LRIG2: variants seen among roughly 807,000 people sequenced by gnomAD.
LRIG2 encodes the protein leucine-rich repeats and immunoglobulin-like domains protein 2.
LRIG2 carries 93 observed loss-of-function variants against 107.8 expected under a neutral mutation model. The observed-to-expected ratio is 0.86, with a 90% CI of 0.73 to 1.03. The LOEUF (loss-of-function observed/expected upper bound fraction) is 1.03, where lower values mean the gene tolerates loss of function less well. LRIG2 is among the 50% of genes least tolerant of loss of function. The probability of loss-of-function intolerance (pLI) is 0.00; values close to 1 mark genes in which losing one functional copy is unlikely to be tolerated. For missense variants in LRIG2, 1,226 were observed against 1,296.0 expected (o/e 0.95, Z 0.83); for synonymous variants, 471 against 470.6 (o/e 1.00, Z -0.01).
At chr1:113,099,741 A>G (rs2101042595) in intron 9 of LRIG2, among the ~76,000 whole-genome samples, 1 of 152,256 alleles carries the variant, frequency 6.6e-6, no homozygotes, top group Non-Finnish European at 1.5e-5. Context: ...TTTGTGAGTA[A>G]TTTATCTAGC....
At position 113,130,924 on chromosome 1, in the gene LRIG2, T is replaced by C. The variant is rs1361449543; in HGVS notation, c.*6823T>C. 1 of 149,788 alleles carries C rather than the reference T, an allele frequency of 6.7e-6. No individual in the cohort carries two copies. The highest frequency in any genetic ancestry group is 6.8e-5 in the Admixed American group (1 of 14,806). The allele number at this position is 149,788 out of a possible 1,614,324, so 9.3% of individuals were successfully genotyped here. On this transcript the variant is annotated 3_prime_UTR_variant, in exon 18 of 18. Transcript: ENST00000361127. ...AAGCCTATAATGTATTAAAACTCTT[T>C]TTTACTCGATTACTTTTATTTTTTT...
In LRIG2 at chr1:113,116,333, A is replaced by G; in HGVS notation, c.2577A>G (p.Gln859=). The change falls in exon 16 of 18, where the codon CAA becomes CAG. Residue 859 remains glutamine (Q), a synonymous_variant. Transcript: ENST00000361127. ...PADIPSYLSS[Q]GTLSEPQEGY... The stretch of plus-strand genomic sequence containing the variant: ...ACATTCCCAGCTACTTGTCTTCCCA[A>G]GGAACGCTGTCTGAGCCACAGGAAG... 6.2e-7 allele frequency: 1 copy of G among 1,614,074 alleles called. No individual in the cohort carries two copies. Among genetic ancestry groups the G allele is most frequent in the South Asian group, 1.1e-5 (1 of 91,042 alleles).
chr1:113,124,169 C>T lies in LRIG2; in HGVS notation c.*68C>T. The T allele has an allele frequency of 1.5e-6, 2 of 1,349,208 alleles. No homozygotes were observed. Among genetic ancestry groups the T allele is most frequent in the Non-Finnish European group, 2.1e-6 (2 of 951,926 alleles). 83.6% of individuals were successfully genotyped at this position (1,349,208 alleles called of 1,614,324 possible). A position where few individuals can be genotyped will look rare whatever the true frequency, so the allele number is the denominator to read the frequency against. ...ATTTTGCATTTACTACCTCAGAGCT[C>T]AGAAGAAACTCCGAAGTCAGCATTT... is the stretch of plus-strand genomic sequence containing the variant. On this transcript the variant is annotated 3_prime_UTR_variant, in exon 18 of 18. Transcript: ENST00000361127.
At chr1:113,095,021 C>G (rs1398711999) in intron 6 of LRIG2, among the ~76,000 whole-genome samples, 1 of 150,894 alleles carries the variant, frequency 6.6e-6, no homozygotes, top group Non-Finnish European at 1.5e-5. Context: ...GTTGCCCAGG[C>G]TGGAGTGCAA....
intron 12 of LRIG2, among the ~76,000 whole-genome samples, chr1:113,108,922 G>C (rs1014384008): frequency 6.6e-6 from 1 of 152,006 alleles, no homozygotes; most frequent in Non-Finnish European, 1.5e-5. Flanking sequence ...CTGATTCTTA[G>C]CTTTACATAG....
At chr1:113,116,759 C>A (rs1387026991) in intron 16 of LRIG2, among the ~76,000 whole-genome samples, 2 of 152,184 alleles carry the variant, frequency 1.3e-5, no homozygotes, top group Non-Finnish European at 2.9e-5. Flanking sequence ...GGGCATCCTT[C>A]AGACCACATC....
At position 113,131,408 on chromosome 1, in the gene LRIG2, A is replaced by T. The variant is rs1284236139; in HGVS notation, c.*7307A>T. The stretch of plus-strand genomic sequence containing the variant: ...AAGTGTAAAGGAATAACAGAGGTAA[A>T]TTTGCTGTCATTTTATGCCACATCC... On this transcript the variant is annotated 3_prime_UTR_variant, in exon 18 of 18. Transcript: ENST00000361127. 1 of 152,188 alleles carries T rather than the reference A, an allele frequency of 6.6e-6. No homozygotes were observed. The highest frequency in any genetic ancestry group is 2.1e-4 in the South Asian group (1 of 4,834). The allele number at this position is 152,188 out of a possible 1,614,324, so 9.4% of individuals were successfully genotyped here.
intron 14 of LRIG2, among the ~76,000 whole-genome samples, chr1:113,113,323 C>G (rs1654851996): frequency 6.6e-6 from 1 of 150,674 alleles, no homozygotes; most frequent in Non-Finnish European, 1.5e-5. Flanking sequence ...AAATTTTCCC[C>G]TGCTGGCCTG....
Position 113,114,692 on chromosome 1 carries a change from T to C in LRIG2, c.2346T>C (p.Asn782=). Residue 782 remains asparagine, a synonymous_variant, in exon 15 of 18, where the codon AAT becomes AAC. Transcript: ENST00000361127. ...LGTERGHIYL[N]VISSPNCDSS... ...CAGAACGTGGCCACATTTACCTAAATGTCATTTCATCCCCCAATTGTGACT... is the reference window on the plus strand; with the variant it reads ...CAGAACGTGGCCACATTTACCTAAACGTCATTTCATCCCCCAATTGTGACT... 6.2e-7 allele frequency: 1 copy of C among 1,614,172 alleles called. No homozygotes were observed. The highest frequency in any genetic ancestry group is 8.5e-7 in the Non-Finnish European group (1 of 1,180,040).
chr1:113,080,836 GTTTTTTTT>G (rs1007236694), intron 1 of LRIG2, among the ~76,000 whole-genome samples: 2 of 84,608 alleles, frequency 2.4e-5, no homozygotes, highest in African/African-American at 1.0e-4. Flanking sequence ...AACACTAAAA[GTTTTTTTT>G]TTTTTTTTTT....
chr1:113,086,002 T>G (rs888227615), intron 1 of LRIG2, among the ~76,000 whole-genome samples: 41 of 17,950 alleles, frequency 2.3e-3, no homozygotes, highest in Non-Finnish European at 5.2e-3. Flanking sequence ...ACCCTGAGGT[T>G]TTTTTTTTTT....
At chr1:113,114,318 A>G (rs1654901249) in intron 14 of LRIG2, 109 bp from the exon 15 acceptor site, 1 of 647,146 alleles carries the variant, frequency 1.5e-6, no homozygotes, top group Non-Finnish European at 2.6e-6. Flanking sequence ...TCCCATGAGT[A>G]TATAAAATTA....
chr1:113,078,886 C>A (rs1427540265), intron 1 of LRIG2, among the ~76,000 whole-genome samples: 4 of 152,106 alleles, frequency 2.6e-5, no homozygotes, highest in Non-Finnish European at 4.4e-5. Context: ...GTGATCTGCC[C>A]ACCTCGGCCT....
intron 11 of LRIG2, among the ~76,000 whole-genome samples, chr1:113,101,456 G>A (rs561540254): frequency 1.3e-5 from 2 of 152,346 alleles, no homozygotes; most frequent in East Asian, 3.9e-4. Flanking sequence ...TGCCTGGGAA[G>A]CTACTCAAAG....
intron 1 of LRIG2, among the ~76,000 whole-genome samples, chr1:113,082,158 A>G (rs1191842264): frequency 6.6e-6 from 1 of 152,192 alleles, no homozygotes; most frequent in African/African-American, 2.4e-5. Context: ...CTTTCACTGT[A>G]TTAAGGATTT....
chr1:113,076,853 G>A (rs1653002237), intron 1 of LRIG2, among the ~76,000 whole-genome samples: 1 of 152,108 alleles, frequency 6.6e-6, no homozygotes, highest in African/African-American at 2.4e-5. Flanking sequence ...TTCAGAGCTT[G>A]ACTGGGTTCT....
At chr1:113,106,621 C>T (rs1335059879) in intron 11 of LRIG2, among the ~76,000 whole-genome samples, 1 of 152,086 alleles carries the variant, frequency 6.6e-6, no homozygotes, top group East Asian at 1.9e-4. Context: ...TCTCCTGCCT[C>T]AGCCTACCAA....
Position 113,119,456 on chromosome 1 carries a change from ATCT to A in LRIG2, c.2905_2907del (p.Ser969del). The A allele has an allele frequency of 6.2e-7, 1 of 1,614,206 alleles. No homozygotes were observed. The highest frequency in any genetic ancestry group is 8.5e-7 in the Non-Finnish European group (1 of 1,180,032). On this transcript the variant is annotated inframe_deletion, in exon 17 of 18. Coordinates refer to ENST00000361127, the MANE Select transcript of LRIG2 (RefSeq NM_014813.3). The stretch of plus-strand genomic sequence containing the variant: ...TGATACCGTCAGCCAACAGAGAGCC[ATCT>A]GCCTTTCCCACCAACCATGAGAGGA...
chr1:113,107,799 T>G, intron 12 of LRIG2, 42 bp downstream of exon 12: 1 of 1,508,516 alleles, frequency 6.6e-7, no homozygotes, highest in Non-Finnish European at 9.0e-7. Flanking sequence ...TACACACTTA[T>G]AATCTTAACA....
Sources: allele counts gnomAD v4.1 joint callset (sites outside exome capture counted in the v4.1 genomes callset), GRCh38; gene constraint gnomAD v4.1.1; transcripts MANE v1.5; gene names NCBI Gene and HGNC (gene_info 2026-07-23, HGNC 2026-07-21).